SLFN5: variants seen among roughly 807,000 people sequenced by gnomAD.
SLFN5 encodes the protein schlafen family member 5.
In SLFN5, 34 loss-of-function variants were observed where a neutral mutation model predicts 48.5. The observed-to-expected ratio is 0.70, with a 90% confidence interval of 0.53 to 0.93. The LOEUF (loss-of-function observed/expected upper bound fraction) is 0.93, where lower values mean the gene tolerates loss of function less well. Ranked by LOEUF, SLFN5 falls within the 40% of genes least tolerant of loss-of-function variation. SLFN5 has a pLI of 0.00. For missense variants in SLFN5, 1,006 were observed against 1,071.3 expected, an observed-to-expected ratio of 0.94 and a Z score of 0.85; for synonymous variants, 387 against 396.2, an observed-to-expected ratio of 0.98 and a Z score of 0.28.
Position 35,258,565 on chromosome 17 carries a change from C to T in SLFN5, c.-40-86C>T, listed in dbSNP as rs180869020. On this transcript the variant is annotated intron_variant, in intron 1 of 4. Transcript: ENST00000299977. ...TATCAGGAATAAATGAAGGGACCAA[C>T]CTCAGTAGGATGGCCTTAATCTGTT... 5.2e-4 allele frequency: 600 copies of T among 1,161,636 alleles called. 1 individual carries two copies. The highest frequency in any genetic ancestry group is 6.6e-4 in the Non-Finnish European group (555 of 840,504). The allele number at this position is 1,161,636 out of a possible 1,614,324, so 72.0% of individuals were successfully genotyped here.
At chr17:35,245,779 A>G (rs2092429275) in intron 1 of SLFN5, among the ~76,000 whole-genome samples, 1 of 151,580 alleles carries the variant, frequency 6.6e-6, no homozygotes, top group Non-Finnish European at 1.5e-5. Flanking sequence ...TCTTTCACAA[A>G]TAAAAATGTT....
rs1439169735 is a variant in SLFN5, at chr17:35,270,940, C to T, written c.*5052C>T. 6.6e-6 allele frequency: 1 copy of T among 152,166 alleles called. No individual in the cohort carries two copies. 9.4% of individuals were successfully genotyped at this position (152,166 alleles called of 1,614,324 possible). ...TATATAGGTCAAGCATAACACATTACAATCAAGATTCAGAACATCAAAGAT... is the reference window on the plus strand; with the variant it reads ...TATATAGGTCAAGCATAACACATTATAATCAAGATTCAGAACATCAAAGAT... On this transcript the variant is annotated 3_prime_UTR_variant, in exon 5 of 5. Transcript: ENST00000299977.
At position 35,270,357 on chromosome 17, in the gene SLFN5, T is replaced by C. The variant is rs145231275; in HGVS notation, c.*4469T>C. The C allele has an allele frequency of 2.4e-3, 362 of 152,238 alleles. 1 individual carries two copies. The highest frequency in any genetic ancestry group is 8.3e-3 in the African/African-American group (345 of 41,542). 9.4% of individuals were successfully genotyped at this position (152,238 alleles called of 1,614,324 possible). A position where few individuals can be genotyped will look rare whatever the true frequency, so the allele number is the denominator to read the frequency against. On this transcript the variant is annotated 3_prime_UTR_variant, in exon 5 of 5. Coordinates refer to ENST00000299977, the MANE Select transcript of SLFN5 (RefSeq NM_144975.4). ...TACTAAAACAAACTCATAGAAATAA[T>C]GGGGAAGATATTTCAAAACATTGCC... is the stretch of plus-strand genomic sequence containing the variant.
At chr17:35,253,310 A>G (rs565681432) in intron 1 of SLFN5, among the ~76,000 whole-genome samples, 3 of 152,310 alleles carry the variant, frequency 2.0e-5, no homozygotes, top group Non-Finnish European at 4.4e-5. Context: ...AGTTGCAAAC[A>G]TTCAGACCAT....
At position 35,264,813 on chromosome 17, in the gene SLFN5, G is replaced by C; in HGVS notation, c.1769G>C (p.Arg590Thr). The C allele has an allele frequency of 6.3e-7, 1 of 1,597,274 alleles. No homozygotes were observed. The highest frequency in any genetic ancestry group is 8.5e-7 in the Non-Finnish European group (1 of 1,173,988). Residue 590 changes from arginine to threonine, a missense_variant, in exon 4 of 5, where the codon AGG becomes ACG. Transcript: ENST00000299977. The part of the protein sequence containing the change: ...PGSGKTILAL[R>T]IMEKIRNVFH... ...TCAGGGAAGACTATCTTGGCTCTTAGGATCATGGAGAAGATCAGGAATGTG... is the reference window on the plus strand; with the variant it reads ...TCAGGGAAGACTATCTTGGCTCTTACGATCATGGAGAAGATCAGGAATGTG...
At chr17:35,261,423 A>G (rs2142701530) in intron 3 of SLFN5, among the ~76,000 whole-genome samples, 1 of 152,190 alleles carries the variant, frequency 6.6e-6, no homozygotes, top group African/African-American at 2.4e-5. Flanking sequence ...TAATCCCAGC[A>G]CTTTGGGAGG....
chr17:35,257,771 T>C lies in SLFN5; in HGVS notation c.-40-880T>C, dbSNP rs181682002. 4.9e-4 allele frequency among the ~76,000 whole-genome samples: 75 copies of C among 152,302 alleles called. 1 individual carries two copies. Among genetic ancestry groups the C allele is most frequent in the Admixed American group, 3.0e-3 (46 of 15,292 alleles). On this transcript the variant is annotated intron_variant, in intron 1 of 4. Transcript: ENST00000299977. ...AGGGGAAGCTGACGTCGTTGCTATG[T>C]ATCTGTTCCATAGCAACAATGACAG...
intron 1 of SLFN5, among the ~76,000 whole-genome samples, chr17:35,253,730 C>G (rs1232947632): frequency 7.9e-6 from 1 of 126,514 alleles, no homozygotes; most frequent in Non-Finnish European, 1.6e-5. Context: ...TGGAGTCTCA[C>G]TCTGTCACCC....
chr17:35,256,754 G>C (rs904394800), intron 1 of SLFN5, among the ~76,000 whole-genome samples: 4 of 152,124 alleles, frequency 2.6e-5, no homozygotes, highest in African/African-American at 7.2e-5. Context: ...AGGTCAATCA[G>C]GTCATAAAAA....
chr17:35,264,973 G>T (rs925016739), intron 4 of SLFN5, 70 bp downstream of exon 4: 1 of 1,533,984 alleles, frequency 6.5e-7, no homozygotes, highest in Non-Finnish European at 8.7e-7. Flanking sequence ...CAGTTTACTT[G>T]CTAAAATTCA....
intron 1 of SLFN5, among the ~76,000 whole-genome samples, chr17:35,246,123 A>G (rs1452801170): frequency 6.6e-6 from 1 of 152,142 alleles, no homozygotes. Flanking sequence ...GCTTATTTGT[A>G]TCCATATATT....
intron 1 of SLFN5, among the ~76,000 whole-genome samples, chr17:35,249,100 A>C (rs935259145): frequency 6.6e-6 from 1 of 152,240 alleles, no homozygotes; most frequent in Non-Finnish European, 1.5e-5. Flanking sequence ...ACCTTCCAAC[A>C]CATCAGTTAA....
At chr17:35,253,242 G>T (rs1293739829) in intron 1 of SLFN5, among the ~76,000 whole-genome samples, 1 of 151,962 alleles carries the variant, frequency 6.6e-6, no homozygotes, top group Non-Finnish European at 1.5e-5. Flanking sequence ...CCTTCCAATG[G>T]CCCTATCTCC....
rs765773971 is a variant in SLFN5 at position 35,265,403 on chromosome 17, C to T, written c.2191C>T (p.Gln731Ter). 7.4e-6 allele frequency: 12 copies of T among 1,614,106 alleles called. No homozygotes were observed. The African/African-American group carries it at 1.3e-4, about 18-fold the overall frequency. Reference protein sequence around the residue: ...YLQQVMQEARQNPPPNLPPGS... With the variant: ...YLQQVMQEAR ...ACAACAAGTAATGCAGGAAGCCCGA[C>T]AAAATCCTCCACCTAACCTCCCCCC... The change falls in exon 5 of 5, where the codon CAA becomes TAA. Residue 731 changes from glutamine to a stop codon, truncating the protein, a stop_gained. Transcript: ENST00000299977. LOFTEE classifies it low-confidence loss of function (END_TRUNC).
Position 35,265,087 on chromosome 17 carries a change from C to T in SLFN5, c.1875C>T (p.Asn625=). The part of the protein sequence containing the change: ...LKKLVSFSKK[N]ICQPVTRKTF... ...TTTCTTACAGTTTCAGCAAGAAAAA[C>T]ATCTGCCAGCCAGTGACCCGGAAAA... The change falls in exon 5 of 5, where the codon AAC becomes AAT. Residue 625 remains asparagine (N), a synonymous_variant. Transcript: ENST00000299977. 6.2e-7 allele frequency: 1 copy of T among 1,609,272 alleles called. No homozygotes were observed. Among genetic ancestry groups the T allele is most frequent in the Middle Eastern group, 1.7e-4 (1 of 6,036 alleles).
intron 2 of SLFN5, 111 bp downstream of exon 2, chr17:35,259,813 C>T (rs1405903658): frequency 6.2e-6 from 8 of 1,295,888 alleles, no homozygotes; most frequent in Non-Finnish European, 8.4e-6. Flanking sequence ...AAGAGATTTA[C>T]TCTCTGATTT....
At chr17:35,248,033 G>C (rs57263207) in intron 1 of SLFN5, among the ~76,000 whole-genome samples, 3 of 152,084 alleles carry the variant, frequency 2.0e-5, no homozygotes, top group Admixed American at 1.3e-4. Flanking sequence ...GAGACACAAA[G>C]TGCACAAGAA....
intron 2 of SLFN5, among the ~76,000 whole-genome samples, chr17:35,260,767 A>G (rs1050859446): frequency 2.0e-5 from 3 of 152,196 alleles, no homozygotes; most frequent in Non-Finnish European, 4.4e-5. Flanking sequence ...ACATAATAAA[A>G]TTAAAAAGTG....
At chr17:35,252,096 T>G (rs1182000502) in intron 1 of SLFN5, among the ~76,000 whole-genome samples, 1 of 152,142 alleles carries the variant, frequency 6.6e-6, no homozygotes, top group South Asian at 2.1e-4. Flanking sequence ...ATAGACAAAT[T>G]GGTCACTATC....
Sources: allele counts gnomAD v4.1 joint callset (sites outside exome capture counted in the v4.1 genomes callset), GRCh38; gene constraint gnomAD v4.1.1; transcripts MANE v1.5; gene names NCBI Gene and HGNC (gene_info 2026-07-23, HGNC 2026-07-21).